MEIG1: variants seen among roughly 807,000 people sequenced by gnomAD.
MEIG1 encodes the protein meiosis/spermiogenesis associated 1.
A neutral mutation model predicts 11.3 loss-of-function variants in MEIG1; 12 were observed. The observed-to-expected ratio is 1.07, with a 90% confidence interval of 0.68 to 1.73. The LOEUF (loss-of-function observed/expected upper bound fraction) is 1.73, where lower values mean the gene tolerates loss of function less well. Among genes scored for constraint, MEIG1 ranks in the 40% most tolerant of loss-of-function variants. The probability of loss-of-function intolerance (pLI) is 0.00; values close to 1 mark genes in which losing one functional copy is unlikely to be tolerated. For synonymous variants in MEIG1, 41 were observed against 33.2 expected (o/e 1.24, Z -0.81); for missense variants, 119 against 104.9 (o/e 1.13, Z -0.59).
chr10:14,976,775 C>G (rs920507185), downstream of MEIG1, among the ~76,000 whole-genome samples: 20 of 151,484 alleles, frequency 1.3e-4, no homozygotes, highest in African/African-American at 4.6e-4. Context: ...TCCTGTACAC[C>G]CTTTCATATT....
At chr10:14,976,832 G>A (rs1843214969), downstream of MEIG1, among the ~76,000 whole-genome samples, 1 of 151,992 alleles carries the variant, frequency 6.6e-6, no homozygotes, top group Non-Finnish European at 1.5e-5. Context: ...CACAGGGCGT[G>A]TAGACCCTGT....
At chr10:14,970,360 C>G (rs1176441339) in intron 2 of MEIG1, 1 of 152,218 alleles carries the variant, frequency 6.6e-6, no homozygotes, top group Non-Finnish European at 1.5e-5. Context: ...AGTCAACAAG[C>G]AAAGGAGCAA....
intron 1 of MEIG1, among the ~76,000 whole-genome samples, chr10:14,982,191 C>A (rs1215421396): frequency 2.0e-5 from 3 of 152,128 alleles, no homozygotes; most frequent in Non-Finnish European, 4.4e-5. Flanking sequence ...TCCTGAATGA[C>A]CTCAGAGACC....
upstream of MEIG1, among the ~76,000 whole-genome samples, chr10:14,955,558 G>A (rs999640568): frequency 6.6e-6 from 1 of 152,072 alleles, no homozygotes; most frequent in African/African-American, 2.4e-5. Context: ...ACAAAAATCG[G>A]CCGGGCATGG....
intron 1 of MEIG1, among the ~76,000 whole-genome samples, chr10:14,961,564 G>A (rs1056719238): frequency 1.3e-5 from 2 of 151,344 alleles, no homozygotes; most frequent in African/African-American, 2.4e-5. Context: ...TCCGTCTCCT[G>A]GGTTCAAGTG....
downstream of MEIG1, among the ~76,000 whole-genome samples, chr10:14,976,473 A>C (rs1417578244): frequency 6.6e-6 from 1 of 151,928 alleles, no homozygotes; most frequent in Non-Finnish European, 1.5e-5. Context: ...CTTTGATATT[A>C]TTCATAATAT....
chr10:14,958,712 C>T (rs1260851002), upstream of MEIG1, among the ~76,000 whole-genome samples: 1 of 151,988 alleles, frequency 6.6e-6, no homozygotes, highest in Non-Finnish European at 1.5e-5. Flanking sequence ...CTGGCTAACA[C>T]GGTGAAACCC....
intron 1 of MEIG1, among the ~76,000 whole-genome samples, chr10:14,960,802 G>T (rs187116059): frequency 6.6e-6 from 1 of 152,092 alleles, no homozygotes; most frequent in Non-Finnish European, 1.5e-5. Flanking sequence ...TGAGGCAGGC[G>T]GATCACCTGA....
chr10:14,975,231 A>G (rs1210753928), downstream of MEIG1, among the ~76,000 whole-genome samples: 1 of 152,074 alleles, frequency 6.6e-6, no homozygotes, highest in Non-Finnish European at 1.5e-5. Flanking sequence ...GGAGGGGGAG[A>G]GGGTGATATT....
downstream of MEIG1, among the ~76,000 whole-genome samples, chr10:14,975,914 G>A (rs1843204978): frequency 6.6e-6 from 1 of 152,138 alleles, no homozygotes. Context: ...GGGGGAAGAG[G>A]ATGCTATTAC....
chr10:14,981,865 A>G (rs1018198208), intron 1 of MEIG1, among the ~76,000 whole-genome samples: 3 of 151,334 alleles, frequency 2.0e-5, no homozygotes, highest in Non-Finnish European at 4.4e-5. Flanking sequence ...CTTTGGGGGG[A>G]CCCCTCTGAT....
chr10:14,976,051 A>G (rs1028708650), downstream of MEIG1, among the ~76,000 whole-genome samples: 7 of 151,934 alleles, frequency 4.6e-5, no homozygotes, highest in Non-Finnish European at 8.8e-5. Context: ...CCAGGGGGGG[A>G]CCGGGGGGTG....
intron 1 of MEIG1, among the ~76,000 whole-genome samples, chr10:14,963,287 G>C (rs550165438): frequency 4.8e-4 from 73 of 151,812 alleles, no homozygotes; most frequent in African/African-American, 1.7e-3. Flanking sequence ...GTAGCGACGG[G>C]TTTCTCCATG....
chr10:14,955,557 G>A (rs746751655), upstream of MEIG1, among the ~76,000 whole-genome samples: 2 of 152,000 alleles, frequency 1.3e-5, no homozygotes, highest in Non-Finnish European at 2.9e-5. Context: ...TACAAAAATC[G>A]GCCGGGCATG....
chr10:14,969,459 AAG>A (rs2131271081), intron 2 of MEIG1, among the ~76,000 whole-genome samples: 2 of 151,636 alleles, frequency 1.3e-5, no homozygotes, highest in South Asian at 4.2e-4. Context: ...AAAAAAAAAA[AAG>A]AAAAAAGGAA....
chr10:14,969,653 GGT>G (rs1487439512), intron 2 of MEIG1, among the ~76,000 whole-genome samples: 1 of 152,046 alleles, frequency 6.6e-6, no homozygotes, highest in Non-Finnish European at 1.5e-5. Context: ...TGGCCAACAT[GGT>G]GAAACCCTGT....
intron 1 of MEIG1, among the ~76,000 whole-genome samples, chr10:14,966,066 CTTT>C (rs10673663): frequency 3.4e-5 from 4 of 118,718 alleles, no homozygotes; most frequent in Non-Finnish European, 5.0e-5. Context: ...TTTATTTATT[CTTT>C]TTTTTTTTTT....
intron 1 of MEIG1, among the ~76,000 whole-genome samples, chr10:14,982,786 TC>T (rs1843278161): frequency 6.6e-6 from 1 of 152,094 alleles, no homozygotes; most frequent in African/African-American, 2.4e-5. Flanking sequence ...ATCATATAAT[TC>T]TTAAAATCAA....
At chr10:14,984,178 A>AG (rs1247166033) in intron 1 of MEIG1, among the ~76,000 whole-genome samples, 4 of 148,560 alleles carry the variant, frequency 2.7e-5, no homozygotes, top group Non-Finnish European at 4.4e-5. Flanking sequence ...AGGCGGGGAG[A>AG]GGGGGGTGCT....
Sources: allele counts gnomAD v4.1 joint callset (sites outside exome capture counted in the v4.1 genomes callset), GRCh38; gene constraint gnomAD v4.1.1; transcripts MANE v1.5; gene names NCBI Gene and HGNC (gene_info 2026-07-23, HGNC 2026-07-21).